Variants in ABCG2 observed in about 807,000 individuals in gnomAD.
ABCG2 encodes the protein broad substrate specificity ATP-binding cassette transporter ABCG2.
ABCG2 carries 80 observed loss-of-function variants against 73.5 expected under a neutral mutation model. The observed-to-expected ratio is 1.09, with a 90% CI of 0.91 to 1.31. The LOEUF is 1.31. Ranked by LOEUF, ABCG2 falls within the 50% of genes most tolerant of loss-of-function variation. The pLI is 0.00. For missense variants in ABCG2, 796 were observed against 786.2 expected (o/e 1.01, Z -0.15); for synonymous variants, 269 against 282.4 (o/e 0.95, Z 0.48).
At chr4:88,176,735 C>T (rs1253761187) in intron 1 of ABCG2, among the ~76,000 whole-genome samples, 1 of 147,778 alleles carries the variant, frequency 6.8e-6, no homozygotes, top group Non-Finnish European at 1.5e-5. Context: ...CTCAAGCAGT[C>T]CTCTCGCCTT....
At chr4:88,171,274 TA>T (rs11331423) in intron 1 of ABCG2, among the ~76,000 whole-genome samples, 6,282 of 129,306 alleles carry the variant, frequency 0.049, 204 homozygotes, top group South Asian at 0.12. Flanking sequence ...AAGTAAAAGT[TA>T]AAAAAAAAAA....
chr4:88,154,835 T>G (rs1338662612), intron 1 of ABCG2, among the ~76,000 whole-genome samples: 1 of 150,892 alleles, frequency 6.6e-6, no homozygotes, highest in Admixed American at 6.6e-5. Context: ...TTGGAAGTTA[T>G]GAGAGCTGTA....
chr4:88,114,233 C>T (rs1188417023), intron 8 of ABCG2, among the ~76,000 whole-genome samples: 1 of 152,038 alleles, frequency 6.6e-6, no homozygotes, highest in African/African-American at 2.4e-5. Context: ...CTGTCTATTG[C>T]CATAGTCTTA....
intron 1 of ABCG2, among the ~76,000 whole-genome samples, chr4:88,182,829 T>C (rs967792362): frequency 3.9e-5 from 6 of 152,028 alleles, no homozygotes; most frequent in African/African-American, 1.4e-4. Context: ...CTCACGCCTG[T>C]AATCCTAGCA....
intron 1 of ABCG2, among the ~76,000 whole-genome samples, chr4:88,207,401 CTAGTCTCCTTTTTAACTGAAATCT>C (rs1386615610): frequency 1.3e-5 from 2 of 152,066 alleles, no homozygotes; most frequent in East Asian, 3.9e-4. Context: ...GGTCTACATC[CTAGTCTCCTTTTTAACTGAAATCT>C]TAGTGATATG....
intron 11 of ABCG2, among the ~76,000 whole-genome samples, chr4:88,100,503 T>C (rs1399450311): frequency 2.8e-5 from 4 of 144,016 alleles, no homozygotes; most frequent in Non-Finnish European, 4.5e-5. Flanking sequence ...CGAGACTCTA[T>C]GTCAAAAAAA....
intron 1 of ABCG2, among the ~76,000 whole-genome samples, chr4:88,172,581 G>A (rs1349409285): frequency 7.7e-5 from 11 of 142,368 alleles, no homozygotes; most frequent in South Asian, 2.3e-4. Context: ...CTGTCTCAGG[G>A]AAAAAAAAAA....
At chr4:88,147,323 T>A (rs1381908608) in intron 1 of ABCG2, among the ~76,000 whole-genome samples, 1 of 152,140 alleles carries the variant, frequency 6.6e-6, no homozygotes, top group Non-Finnish European at 1.5e-5. Flanking sequence ...TCTCTAGCAA[T>A]ATATACCAGT....
At chr4:88,186,971 T>G (rs1373829935) in intron 1 of ABCG2, among the ~76,000 whole-genome samples, 4 of 146,324 alleles carry the variant, frequency 2.7e-5, no homozygotes, top group Non-Finnish European at 4.5e-5. Flanking sequence ...CAGGTGCCTG[T>G]AATCCCAACT....
chr4:88,164,648 A>C (rs755387659), intron 1 of ABCG2, among the ~76,000 whole-genome samples: 3 of 152,190 alleles, frequency 2.0e-5, no homozygotes, highest in Non-Finnish European at 2.9e-5. Context: ...TTCCTTTATA[A>C]ATTACCCAGT....
chr4:88,106,968 G>A (rs1722808423), intron 10 of ABCG2, among the ~76,000 whole-genome samples: 1 of 152,292 alleles, frequency 6.6e-6, no homozygotes, highest in Non-Finnish European at 1.5e-5. Flanking sequence ...CTTGAACCCG[G>A]GAGGCGGAGA....
intron 1 of ABCG2, among the ~76,000 whole-genome samples, chr4:88,202,244 C>T (rs1482739383): frequency 2.0e-5 from 3 of 150,434 alleles, no homozygotes; most frequent in Non-Finnish European, 3.0e-5. Flanking sequence ...TATGTGATGA[C>T]TCACATCTGT....
chr4:88,212,065 T>G (rs940109741), intron 1 of ABCG2, among the ~76,000 whole-genome samples: 1 of 152,148 alleles, frequency 6.6e-6, no homozygotes, highest in Non-Finnish European at 1.5e-5. Context: ...CCCCAAATAA[T>G]TATTAGTAGT....
In ABCG2 at chr4:88,141,419, C is replaced by T. The variant is rs556177176; in HGVS notation, c.-19-1405G>A. Among the ~76,000 whole-genome samples the T allele has an allele frequency of 1.4e-4, 22 of 152,276 alleles. 1 individual carries two copies. Among genetic ancestry groups the T allele is most frequent in the African/African-American group, 5.1e-4 (21 of 41,558 alleles). ...CTGCTAGAAGAAATGAGTCGGCTTA[C>T]TGAAGCCTCTACTATTTCTGAGCAG... On this transcript the variant is annotated intron_variant, in intron 1 of 15. Transcript: ENST00000237612.
rs1331205457 is a variant in ABCG2, at chr4:88,114,958, T to G, written c.942A>C (p.Lys314Asn). The G allele has an allele frequency of 6.2e-7, 1 of 1,605,362 alleles. No individual in the cohort carries two copies. ...TGGGACTGTAACAGATTCATATACC[T>G]TTAAAGTCTTCTTCTCTGTTTAATG... ...AVALNREEDF[K>N]ATEIIEPSKQ... The change falls in exon 8 of 16, where the codon AAA (lysine) becomes AAC (asparagine). Residue 314 changes from lysine (K) to asparagine (N), a missense_variant and splice_region_variant. Coordinates refer to ENST00000237612, the MANE Select transcript of ABCG2 (RefSeq NM_004827.3).
At chr4:88,115,256 C>CTCTA (rs1309360818) in intron 7 of ABCG2, among the ~76,000 whole-genome samples, 198 bp from the exon 8 acceptor site, 2 of 69,872 alleles carry the variant, frequency 2.9e-5, no homozygotes, top group African/African-American at 1.1e-4. Context: ...CTCTCTCTCT[C>CTCTA]TATATATATA....
chr4:88,196,442 C>T (rs1728943259), intron 1 of ABCG2, among the ~76,000 whole-genome samples: 1 of 152,028 alleles, frequency 6.6e-6, no homozygotes. Context: ...TGAATCAGGG[C>T]AATATAAAAT....
At chr4:88,104,314 C>T (rs1255865993) in intron 10 of ABCG2, among the ~76,000 whole-genome samples, 3 of 152,142 alleles carry the variant, frequency 2.0e-5, no homozygotes, top group Admixed American at 1.3e-4. Context: ...CCACTGGCCT[C>T]GAGCAGTTTT....
intron 10 of ABCG2, among the ~76,000 whole-genome samples, chr4:88,103,253 TCAGTA>T (rs1227030587): frequency 6.6e-6 from 1 of 152,216 alleles, no homozygotes; most frequent in Admixed American, 6.5e-5. Flanking sequence ...CTTAAATCTA[TCAGTA>T]CAGTAATGTC....
Sources: gnomAD v4.1 joint callset for allele counts (sites outside exome capture counted in the v4.1 genomes callset) on GRCh38, gnomAD v4.1.1 for gene constraint, MANE v1.5 for transcripts, NCBI Gene and HGNC (gene_info 2026-07-23, HGNC 2026-07-21) for gene names.